Variants in HERC2 observed in about 807,000 individuals in gnomAD.
HERC2 encodes HECT and RLD domain containing E3 ubiquitin protein ligase 2.
In HERC2, 102 loss-of-function variants were observed where a neutral mutation model predicts 537.7. The observed-to-expected ratio is 0.19, with a 90% CI of 0.16 to 0.22. HERC2 has a LOEUF of 0.22. Among genes scored for constraint, HERC2 ranks in the 10% least tolerant of loss-of-function variants. The pLI is 1.00. For missense variants in HERC2, 4,236 were observed against 6,198.2 expected, an observed-to-expected ratio of 0.68 and a Z score of 10.63; for synonymous variants, 2,224 against 2,466.2, an observed-to-expected ratio of 0.90 and a Z score of 2.91.
chr15:28,152,721 G>A lies in HERC2; in HGVS notation c.10856C>T (p.Pro3619Leu). 1 of 1,551,840 alleles carries A rather than the reference G, an allele frequency of 6.4e-7. No homozygotes were observed. The highest frequency in any genetic ancestry group is 8.7e-7 in the Non-Finnish European group (1 of 1,147,220). The change falls in exon 70 of 93, where the codon CCT (proline) becomes CTT (leucine). Residue 3619 changes from proline to leucine, a missense_variant. Around this residue, in one of 27 missense-constraint regions of HERC2, gnomAD observed 356 missense variants for 450.9 expected, o/e 0.79. Transcript: ENST00000261609. ...ACTGGTGGAGGTGTCGTCGGTGTAA[G>A]GGTGGCTACTCTCCACCACCACAGG... ...SQPVVVESSH[P>L]YTDDTSTSGT... is the part of the protein sequence containing the mutation.
At position 28,284,913 on chromosome 15, in the gene HERC2, G is replaced by A. The variant is rs561357550; in HGVS notation, c.323-4626C>T. Among the ~76,000 whole-genome samples the A allele has an allele frequency of 2.3e-3, 214 of 92,146 alleles. 1 individual carries two copies. The highest frequency in any genetic ancestry group is 0.022 in the Middle Eastern group (2 of 90). 60.5% of individuals were successfully genotyped at this position (92,146 alleles called of 152,430 possible). A position where few individuals can be genotyped will look rare whatever the true frequency, so the allele number is the denominator to read the frequency against. On this transcript the variant is annotated intron_variant, in intron 4 of 92. Coordinates refer to ENST00000261609, the MANE Select transcript of HERC2 (RefSeq NM_004667.6). ...GCCTGGGCAAAAGGAGCGAAACTCC[G>A]TCTCGGAAAAAAAAAAAAAAAAAAA...
rs370977252 is a variant in HERC2, at chr15:28,113,039, C to T, written c.14232+32G>A. ...GCCACCCACCGTCGGCCGACATCAG[C>T]CCAGGGCCGGCAAGCCCAGCCAGGA... On this transcript the variant is annotated intron_variant, in intron 92 of 92. Transcript: ENST00000261609. This position sits in a 1 kb window ranked among gnomAD's most constrained non-coding sequence, Gnocchi z 7.0. 8.1e-6 allele frequency: 13 copies of T among 1,599,504 alleles called. No individual in the cohort carries two copies. The African/African-American group carries it at 1.7e-4, about 21-fold the overall frequency.
intron 2 of HERC2, among the ~76,000 whole-genome samples, chr15:28,306,458 T>C (rs929312411): frequency 8.5e-5 from 13 of 152,244 alleles, no homozygotes; most frequent in African/African-American, 3.1e-4. Context: ...TAATGTGTTG[T>C]TGAATTCGGT....
intron 36 of HERC2, 65 bp downstream of exon 36, chr15:28,221,963 C>T (rs556125602): frequency 1.2e-5 from 13 of 1,058,760 alleles, no homozygotes; most frequent in African/African-American, 7.2e-5. Flanking sequence ...CCACCAATAT[C>T]GTACAGAACT....
intron 23 of HERC2, among the ~76,000 whole-genome samples, chr15:28,240,223 C>G (rs1425718652): frequency 6.6e-6 from 1 of 152,166 alleles, no homozygotes; most frequent in Non-Finnish European, 1.5e-5. Context: ...TGGAGACCAT[C>G]CTGGCTAACA....
At chr15:28,251,371 A>C (rs2140856638) in intron 20 of HERC2, among the ~76,000 whole-genome samples, 1 of 151,742 alleles carries the variant, frequency 6.6e-6, no homozygotes, top group African/African-American at 2.4e-5. Context: ...TGAACCCAGG[A>C]GGCAGAGGCT....
intron 10 of HERC2, among the ~76,000 whole-genome samples, chr15:28,269,878 T>C (rs1486152773): frequency 6.6e-6 from 1 of 152,248 alleles, no homozygotes; most frequent in African/African-American, 2.4e-5. Context: ...TCCCCACCTG[T>C]GCATGTGCAC....
chr15:28,196,062 G>A (rs1292730226), intron 52 of HERC2, among the ~76,000 whole-genome samples, 153 bp downstream of exon 52: 2 of 152,064 alleles, frequency 1.3e-5, no homozygotes, highest in Non-Finnish European at 1.5e-5. Context: ...AGTCATCAGC[G>A]GGTAGGACCG....
At chr15:28,270,584 G>C (rs1200174785) in intron 10 of HERC2, 111 bp downstream of exon 10, 2 of 1,043,192 alleles carry the variant, frequency 1.9e-6, no homozygotes, top group Non-Finnish European at 2.8e-6. Context: ...CCACAGGCCA[G>C]CTCCCCCTAC....
At chr15:28,169,923 TATATAC>T (rs1225932005) in intron 65 of HERC2, among the ~76,000 whole-genome samples, 2 of 152,252 alleles carry the variant, frequency 1.3e-5, no homozygotes, top group African/African-American at 4.8e-5. Flanking sequence ...CAGTTTATGT[TATATAC>T]ATATAAACTA....
rs1891252757 is a variant in HERC2 at position 28,141,791 on chromosome 15, T to C, written c.11756A>G (p.His3919Arg). The change falls in exon 77 of 93, where the codon CAT becomes CGT. Residue 3919 changes from histidine (H) to arginine (R), a missense_variant. By Grantham distance (29) the His-to-Arg change is conservative (BLOSUM62 0). Around this residue, in one of 27 missense-constraint regions of HERC2, gnomAD observed 156 missense variants for 172.3 expected, o/e 0.91. Coordinates refer to ENST00000261609, the MANE Select transcript of HERC2 (RefSeq NM_004667.6). ...TCTTTTAAAAATGTCATGGCTCTCA[T>C]GCAGAACATCCATGTTTTCGCTGTC... ...MADSENMDVL[H>R]ESHDIFKREQ... 5.6e-6 allele frequency: 9 copies of C among 1,614,240 alleles called. No individual in the cohort carries two copies. The highest frequency in any genetic ancestry group is 2.2e-5 in the East Asian group (1 of 44,886).
chr15:28,134,236 C>T (rs1890386334), intron 79 of HERC2, among the ~76,000 whole-genome samples: 1 of 152,122 alleles, frequency 6.6e-6, no homozygotes. Context: ...AGAGGGTATT[C>T]TAAGTGGTAT....
chr15:28,216,615 T>C (rs1426044353), intron 38 of HERC2, among the ~76,000 whole-genome samples: 1 of 149,002 alleles, frequency 6.7e-6, no homozygotes. Flanking sequence ...CACACTCACA[T>C]GCGCTCACAC....
rs146099155 is a variant in HERC2, at chr15:28,124,321, T to C, written c.12991-87A>G. On this transcript the variant is annotated intron_variant, in intron 84 of 92. Transcript: ENST00000261609. ...CATCCATTAAGGATTCTGAAAACAA[T>C]TGTTTCAAATACAGAGAAGCACTAT... The C allele has an allele frequency of 1.0e-4, 89 of 870,432 alleles. No individual in the cohort carries two copies. In the African/African-American group the frequency reaches 1.4e-3, roughly 14 times the overall value. 53.9% of individuals were successfully genotyped at this position (870,432 alleles called of 1,614,324 possible).
At chr15:28,304,622 C>T (rs2076728996) in intron 2 of HERC2, among the ~76,000 whole-genome samples, 1 of 152,000 alleles carries the variant, frequency 6.6e-6, no homozygotes, top group Admixed American at 6.6e-5. Context: ...CCTCAGCCTC[C>T]CAAAGTGCTG....
chr15:28,138,038 G>C (rs1890824970), intron 78 of HERC2, among the ~76,000 whole-genome samples: 1 of 151,232 alleles, frequency 6.6e-6, no homozygotes, highest in African/African-American at 2.5e-5. Flanking sequence ...TTAAGCCAAA[G>C]CTAATCCAGA....
At chr15:28,243,192 C>A (rs1903306651) in intron 23 of HERC2, among the ~76,000 whole-genome samples, 1 of 152,194 alleles carries the variant, frequency 6.6e-6, no homozygotes, top group African/African-American at 2.4e-5. Context: ...CACAAAGACA[C>A]TATGGACAAA....
At position 28,265,240 on chromosome 15, in the gene HERC2, A is replaced by G. The variant is rs1272891016; in HGVS notation, c.1870+378T>C. Among the ~76,000 whole-genome samples, 5 of 152,190 alleles carry G rather than the reference A, an allele frequency of 3.3e-5. No individual in the cohort carries two copies. Among genetic ancestry groups the G allele is most frequent in the Non-Finnish European group, 7.3e-5 (5 of 68,028 alleles). The stretch of plus-strand genomic sequence containing the variant: ...TAAAACCAAAATTCAAAGCAAGCAG[A>G]TACCGTAGCATCAGACTACAGAACA... On this transcript the variant is annotated intron_variant, in intron 14 of 92. Coordinates refer to ENST00000261609, the MANE Select transcript of HERC2 (RefSeq NM_004667.6). This position sits in a 1 kb window ranked among gnomAD's most constrained non-coding sequence, Gnocchi z 4.0.
chr15:28,198,450 C>G lies in HERC2; in HGVS notation c.7939G>C (p.Val2647Leu). 6.2e-7 allele frequency: 1 copy of G among 1,613,790 alleles called. No homozygotes were observed. Among genetic ancestry groups the G allele is most frequent in the Non-Finnish European group, 8.5e-7 (1 of 1,179,930 alleles). Residue 2647 changes from valine (V) to leucine (L), a missense_variant, in exon 50 of 93, where the codon GTC (valine) becomes CTC (leucine). Physicochemically the swap from Val to Leu is conservative, Grantham distance 32 (BLOSUM62 1). This residue lies in a region of HERC2 where 606 missense variants were observed against 884.5 expected (regional missense o/e 0.69). Transcript: ENST00000261609. ...TTTGGTGTGGTGACAGAGGCTTTGACCCGCACTTTATCACCAATCTTGATG... is the reference window on the plus strand; with the variant it reads ...TTTGGTGTGGTGACAGAGGCTTTGAGCCGCACTTTATCACCAATCTTGATG... ...SHIKIGDKVR[V>L]KASVTTPKYK...
Sources: allele counts gnomAD v4.1 joint callset (sites outside exome capture counted in the v4.1 genomes callset), GRCh38; gene constraint gnomAD v4.1.1; regional missense constraint gnomAD v4.1.1; non-coding constraint Gnocchi (gnomAD v3.1); transcripts MANE v1.5; gene names NCBI Gene and HGNC (gene_info 2026-07-23, HGNC 2026-07-21).